Variants in ZNF888 observed in about 807,000 individuals in gnomAD.
ZNF888 encodes the protein CTD-2331H12.6.
In ZNF888, 5 loss-of-function variants were observed where a neutral mutation model predicts 7.2. The observed-to-expected ratio is 0.70, with a 90% CI of 0.36 to 1.46. The LOEUF is 1.46. Ranked by LOEUF, ZNF888 falls within the 40% of genes most tolerant of loss-of-function variation. ZNF888 has a pLI of 0.03. For missense variants in ZNF888, 716 were observed against 858.0 expected (o/e 0.83, Z 2.07); for synonymous variants, 240 against 284.3 (o/e 0.84, Z 1.57).
chr19:52,911,886 A>G (rs1033299556), intron 4 of ZNF888, among the ~76,000 whole-genome samples: 2 of 151,442 alleles, frequency 1.3e-5, no homozygotes, highest in Non-Finnish European at 2.9e-5. Context: ...GTGCAATCTC[A>G]GCTCACTGCA....
intron 3 of ZNF888, among the ~76,000 whole-genome samples, chr19:52,917,060 C>G (rs767407898): frequency 6.6e-6 from 1 of 152,174 alleles, no homozygotes; most frequent in African/African-American, 2.4e-5. Flanking sequence ...CATAGTAACA[C>G]CACTGTCTCC....
chr19:52,922,270 T>TGTG (rs3037973), intron 1 of ZNF888, among the ~76,000 whole-genome samples: 1 of 150,036 alleles, frequency 6.7e-6, no homozygotes, highest in Non-Finnish European at 1.5e-5. Context: ...CTCCCATCTC[T>TGTG]CCTGAGCTCT....
At chr19:52,915,095 C>T (rs1017937059) in intron 4 of ZNF888, 101 bp downstream of exon 4, 14 of 1,499,252 alleles carry the variant, frequency 9.3e-6, no homozygotes, top group East Asian at 4.7e-5. Flanking sequence ...AAAATCAATA[C>T]AGCTTCCATT....
chr19:52,906,497 C>A lies in ZNF888; in HGVS notation c.1825G>T (p.Glu609Ter). The A allele has an allele frequency of 6.2e-7, 1 of 1,611,326 alleles. No homozygotes were observed. The highest frequency in any genetic ancestry group is 8.5e-7 in the Non-Finnish European group (1 of 1,178,894). Residue 609 changes from glutamate (E) to a stop codon, truncating the protein, a stop_gained, in exon 5 of 5, where the codon GAA becomes TAA. Coordinates refer to ENST00000638862, the MANE Select transcript of ZNF888 (RefSeq NM_001393938.1). LOFTEE classifies it low-confidence loss of function (END_TRUNC). Reference sequence around the variant, plus strand: ...ATATTGAAAACTTTGTCACATTCTTCACATTTGTAAGGTTTCTCTCCAGTA... The same window carrying A: ...ATATTGAAAACTTTGTCACATTCTTAACATTTGTAAGGTTTCTCTCCAGTA... ...LHTGEKPYKC[E>*]ECDKVFNIKS...
Position 52,906,294 on chromosome 19 carries a change from G to C in ZNF888, c.2028C>G (p.His676Gln), listed in dbSNP as rs1251118004. The change falls in exon 5 of 5, where the codon CAC becomes CAG. Residue 676 changes from histidine (H) to glutamine (Q), a missense_variant. By Grantham distance (24) the His-to-Gln change is conservative. Coordinates refer to ENST00000638862, the MANE Select transcript of ZNF888 (RefSeq NM_001393938.1). ...VCDKAFKCYS[H>Q]LAQHTRIHTG... ...TATGAATTCTAGTATGTTGTGCCAG[G>C]TGTGAGTAACACTTGAAAGCCTTGT... 6.2e-7 allele frequency: 1 copy of C among 1,613,366 alleles called. No homozygotes were observed. The highest frequency in any genetic ancestry group is 2.2e-5 in the East Asian group (1 of 44,844).
In ZNF888 at chr19:52,904,517, A is replaced by G. The variant is rs1168457573; in HGVS notation, c.*1648T>C. 6.6e-6 allele frequency: 1 copy of G among 152,226 alleles called. No homozygotes were observed. The highest frequency in any genetic ancestry group is 2.4e-5 in the African/African-American group (1 of 41,458). 9.4% of individuals were successfully genotyped at this position (152,226 alleles called of 1,614,324 possible). A position where few individuals can be genotyped will look rare whatever the true frequency, so the allele number is the denominator to read the frequency against. On this transcript the variant is annotated 3_prime_UTR_variant, in exon 5 of 5. Transcript: ENST00000638862. ...ATTTCTGTCCTTTTTAAGGGCTCAC[A>G]ACACTAAGGATTTCACATGAAACGG... is the stretch of plus-strand genomic sequence containing the variant.
At chr19:52,921,531 A>T in intron 1 of ZNF888, 2 of 431,024 alleles carry the variant, frequency 4.6e-6, no homozygotes, top group Non-Finnish European at 6.2e-6. Context: ...CTTGAAAATT[A>T]GAGAAGCATC....
intron 4 of ZNF888, among the ~76,000 whole-genome samples, chr19:52,912,212 A>C (rs531076400): frequency 0.01 from 1,456 of 144,196 alleles, 21 homozygotes; most frequent in African/African-American, 0.036. Flanking sequence ...CTCCCGGGTT[A>C]GCGCCATTCT....
Position 52,907,650 on chromosome 19 carries a change from A to G in ZNF888, c.672T>C (p.Asn224=), listed in dbSNP as rs2064626953. ...FQFNESGKSF[N]CSSLFKKHQI... ...GATGTTTTTTAAAGAGTGAGCTACA[A>G]TTAAAGGATTTGCCACTCTCATTAA... The change falls in exon 5 of 5, where the codon AAT becomes AAC. Residue 224 remains asparagine, a synonymous_variant. Transcript: ENST00000638862. The G allele has an allele frequency of 6.2e-7, 1 of 1,605,714 alleles. No individual in the cohort carries two copies. The highest frequency in any genetic ancestry group is 8.5e-7 in the Non-Finnish European group (1 of 1,176,740).
intron 4 of ZNF888, among the ~76,000 whole-genome samples, chr19:52,912,756 G>A (rs933156558): frequency 4.6e-5 from 7 of 151,138 alleles, no homozygotes; most frequent in Admixed American, 1.3e-4. Flanking sequence ...AATGAAAGAA[G>A]GCTAAAGAGT....
chr19:52,921,758 T>C lies in ZNF888; in HGVS notation c.-178+1611A>G, dbSNP rs116195431. ...GCCTGACCTACATGGAGGAACCCCGTTTCTACTGAAAATACAAAAATTATC... is the reference window on the plus strand; with the variant it reads ...GCCTGACCTACATGGAGGAACCCCGCTTCTACTGAAAATACAAAAATTATC... On this transcript the variant is annotated intron_variant, in intron 1 of 4. Coordinates refer to ENST00000638862, the MANE Select transcript of ZNF888 (RefSeq NM_001393938.1). 670 of 484,392 alleles carry C rather than the reference T, an allele frequency of 1.4e-3. 6 individuals carry two copies. Among genetic ancestry groups the C allele is most frequent in the African/African-American group, 0.012 (556 of 47,512 alleles). 30.0% of individuals were successfully genotyped at this position (484,392 alleles called of 1,614,324 possible).
Position 52,906,896 on chromosome 19 carries a change from T to C in ZNF888, c.1426A>G (p.Ser476Gly). The C allele has an allele frequency of 6.2e-7, 1 of 1,613,170 alleles. No individual in the cohort carries two copies. The highest frequency in any genetic ancestry group is 8.5e-7 in the Non-Finnish European group (1 of 1,179,796). The change falls in exon 5 of 5, where the codon AGT (serine) becomes GGT (glycine). Residue 476 changes from serine (S) to glycine (G), a missense_variant. This residue lies in a region of ZNF888 where 697 missense variants were observed against 803.4 expected (regional missense o/e 0.87). Coordinates refer to ENST00000638862, the MANE Select transcript of ZNF888 (RefSeq NM_001393938.1). ...TGTCTTTCAAGGTGTGATTTGCGAC[T>C]GAAAACTTTGTCACATTCTTTACAT... ...YKCKECDKVFSRKSHLERHRR... is the reference protein window; with the variant it reads ...YKCKECDKVFGRKSHLERHRR...
Position 52,923,412 on chromosome 19 carries a change from C to A in ZNF888, c.-221G>T, listed in dbSNP as rs372864213. ...AGTCCACGCGATCCGCTTCCTGGTCCGGGCGAATCTACAAGCACAGGACAG... is the reference window on the plus strand; with the variant it reads ...AGTCCACGCGATCCGCTTCCTGGTCAGGGCGAATCTACAAGCACAGGACAG... On this transcript the variant is annotated 5_prime_UTR_variant, in exon 1 of 5. Transcript: ENST00000638862. The A allele has an allele frequency of 8.4e-5, 83 of 985,388 alleles. 1 individual carries two copies. The East Asian group carries it at 5.8e-3, about 69-fold the overall frequency. 61.0% of individuals were successfully genotyped at this position (985,388 alleles called of 1,614,324 possible).
chr19:52,907,458 A>C lies in ZNF888; in HGVS notation c.864T>G (p.His288Gln). 6.2e-7 allele frequency: 1 copy of C among 1,607,792 alleles called. No homozygotes were observed. The highest frequency in any genetic ancestry group is 2.2e-5 in the East Asian group (1 of 44,838). The change falls in exon 5 of 5, where the codon CAT becomes CAG. Residue 288 changes from histidine (H) to glutamine (Q), a missense_variant. This residue lies in a region of ZNF888 where 697 missense variants were observed against 803.4 expected (regional missense o/e 0.87). Coordinates refer to ENST00000638862, the MANE Select transcript of ZNF888 (RefSeq NM_001393938.1). ...VFNKKAYLAR[H>Q]YRRHTGEKPY... ...GTTTTTCTCCAGTATGACGTCTATA[A>C]TGACGTGCAAGGTATGCTTTTTTAT...
intron 1 of ZNF888, among the ~76,000 whole-genome samples, chr19:52,920,513 A>G (rs1422748598): frequency 2.3e-5 from 1 of 42,696 alleles, no homozygotes; most frequent in Non-Finnish European, 4.9e-5. Flanking sequence ...AAAAAAAAAA[A>G]AAAGAAAAAA....
In ZNF888 at chr19:52,906,342, T is replaced by C. The variant is rs1031349756; in HGVS notation, c.1980A>G (p.Lys660=). The C allele has an allele frequency of 8.1e-6, 13 of 1,613,686 alleles. No homozygotes were observed. The African/African-American group carries it at 1.1e-4, about 13-fold the overall frequency. The change falls in exon 5 of 5, where the codon AAA becomes AAG. Residue 660 remains lysine, a synonymous_variant. Transcript: ENST00000638862. ...AQHQRVHTGE[K]PYKCKVCDKA... ...TGTCACAAACCTTACATTTGTATGG[T>C]TTCTCTCCAGTGTGAACTCTCTGAT...
Position 52,907,441 on chromosome 19 carries a change from C to G in ZNF888, c.881G>C (p.Gly294Ala). ...YLARHYRRHT[G>A]EKPYKCNECG... ...CTCATTACACTTGTAAGGTTTTTCT[C>G]CAGTATGACGTCTATAATGACGTGC... Residue 294 changes from glycine (G) to alanine (A), a missense_variant, in exon 5 of 5, where the codon GGA becomes GCA. Physicochemically the swap from Gly to Ala is moderately conservative, Grantham distance 60. Transcript: ENST00000638862. 1 of 1,610,714 alleles carries G rather than the reference C, an allele frequency of 6.2e-7. No individual in the cohort carries two copies.
Position 52,907,748 on chromosome 19 carries a change from C to G in ZNF888, c.574G>C (p.Gly192Arg). The G allele has an allele frequency of 6.2e-7, 1 of 1,613,896 alleles. No homozygotes were observed. Among genetic ancestry groups the G allele is most frequent in the Non-Finnish European group, 8.5e-7 (1 of 1,179,952 alleles). Residue 192 changes from glycine (G) to arginine (R), a missense_variant, in exon 5 of 5, where the codon GGG (glycine) becomes CGG (arginine). This residue lies in a region of ZNF888 where 697 missense variants were observed against 803.4 expected (regional missense o/e 0.87). Transcript: ENST00000638862. ...RPKTHISNNYGNNFFHSSLLT... is the reference protein window; with the variant it reads ...RPKTHISNNYRNNFFHSSLLT... ...AATGAAGAATGGAAGAAATTATTCCCATAGTTATTAGAAATATGGGTTTTG... is the reference window on the plus strand; with the variant it reads ...AATGAAGAATGGAAGAAATTATTCCGATAGTTATTAGAAATATGGGTTTTG...
In ZNF888 at chr19:52,915,641, AT is replaced by A. The variant is rs558097504; in HGVS notation, c.16-320del. Reference sequence around the variant, plus strand: ...AGGCATCTGCCACCATGCCTGGCTAATTTTTTTGTATTTTTAGTAGAGATGG... The same window carrying A: ...AGGCATCTGCCACCATGCCTGGCTAATTTTTTGTATTTTTAGTAGAGATGG... On this transcript the variant is annotated intron_variant, in intron 3 of 4. Transcript: ENST00000638862. 1.2e-3 allele frequency among the ~76,000 whole-genome samples: 180 copies of A among 151,720 alleles called. 1 individual carries two copies. Among genetic ancestry groups the A allele is most frequent in the Non-Finnish European group, 1.7e-3 (115 of 67,922 alleles).
Sources: gnomAD v4.1 joint callset for allele counts (sites outside exome capture counted in the v4.1 genomes callset) on GRCh38, gnomAD v4.1.1 for gene constraint, gnomAD v4.1.1 regional missense constraint, MANE v1.5 for transcripts, NCBI Gene and HGNC (gene_info 2026-07-23, HGNC 2026-07-21) for gene names.